RPS6KA2: variants seen among roughly 807,000 people sequenced by gnomAD.
The protein encoded by RPS6KA2 is ribosomal protein S6 kinase A2, also known as ribosomal protein S6 kinase alpha-2.
RPS6KA2 carries 42 observed loss-of-function variants against 91.8 expected under a neutral mutation model. That is an observed-to-expected ratio of 0.46 (90% CI 0.36 to 0.59). RPS6KA2 has a LOEUF of 0.59. Among genes scored for constraint, RPS6KA2 ranks in the 20% least tolerant of loss-of-function variants. RPS6KA2 has a pLI of 0.00. For synonymous variants in RPS6KA2, 414 were observed against 393.6 expected (o/e 1.05, Z -0.61); for missense variants, 798 against 978.5 (o/e 0.82, Z 2.46).
At chr6:166,834,580 A>G (rs1038967000) in intron 2 of RPS6KA2, among the ~76,000 whole-genome samples, 1 of 152,222 alleles carries the variant, frequency 6.6e-6, no homozygotes, top group African/African-American at 2.4e-5. Flanking sequence ...TACTTATATA[A>G]CAAACCTGCA....
chr6:166,747,591 C>G (rs1316464872), intron 2 of RPS6KA2, among the ~76,000 whole-genome samples: 2 of 152,226 alleles, frequency 1.3e-5, no homozygotes, highest in South Asian at 2.1e-4. Context: ...TTCCTTCCCC[C>G]TTTCCACCAC....
At chr6:166,449,726 G>T (rs1216336013) in intron 13 of RPS6KA2, among the ~76,000 whole-genome samples, 2 of 151,896 alleles carry the variant, frequency 1.3e-5, no homozygotes, top group Non-Finnish European at 2.9e-5. Flanking sequence ...TGCCAAGTAG[G>T]GTAGGAGCAA....
At position 166,664,300 on chromosome 6, in the gene RPS6KA2, C is replaced by A. The variant is rs907950677; in HGVS notation, c.124-125516G>T. On this transcript the variant is annotated intron_variant, in intron 2 of 21. Transcript: ENST00000503859. ...CCCTCCTTCTACTGAGCCCAGTGAG[C>A]TCACAGCTGGAACGCTGCTCCACGG... is the stretch of plus-strand genomic sequence containing the variant. 2.0e-5 allele frequency among the ~76,000 whole-genome samples: 3 copies of A among 152,352 alleles called. No individual in the cohort carries two copies. In the East Asian group the frequency reaches 5.8e-4, roughly 29 times the overall value.
chr6:166,786,127 A>AG (rs1410330657), intron 2 of RPS6KA2, among the ~76,000 whole-genome samples: 1 of 152,238 alleles, frequency 6.6e-6, no homozygotes, highest in Non-Finnish European at 1.5e-5. Context: ...ATCCACTTAC[A>AG]GTATGGAAAG....
chr6:166,766,489 G>A (rs1389717608), intron 2 of RPS6KA2, among the ~76,000 whole-genome samples: 2 of 152,166 alleles, frequency 1.3e-5, no homozygotes, highest in African/African-American at 2.4e-5. Context: ...GTGTATGTGT[G>A]TTTTCCTTTC....
In RPS6KA2 at chr6:166,493,600, C is replaced by T. The variant is rs77217338; in HGVS notation, c.748-2859G>A. Among the ~76,000 whole-genome samples, 7,887 of 151,920 alleles carry T rather than the reference C, an allele frequency of 0.052. 485 individuals are homozygous for T. The highest frequency in any genetic ancestry group is 0.15 in the African/African-American group (6,012 of 41,336). On this transcript the variant is annotated intron_variant, in intron 8 of 20. Transcript: ENST00000265678. This position sits in a 1 kb window ranked among gnomAD's most constrained non-coding sequence, Gnocchi z 4.7. ...GATTCTTTCCCAATCGGCACCGAGA[C>T]CAGGCTGCAGACAGGCACAGAGGGG...
At chr6:166,452,820 A>C (rs895621373) in intron 12 of RPS6KA2, among the ~76,000 whole-genome samples, 1 of 152,218 alleles carries the variant, frequency 6.6e-6, no homozygotes, top group African/African-American at 2.4e-5. Context: ...TAAAGACTTA[A>C]GTGATGAAAG....
At chr6:166,811,827 T>G (rs1348670613) in intron 2 of RPS6KA2, among the ~76,000 whole-genome samples, 6 of 152,190 alleles carry the variant, frequency 3.9e-5, no homozygotes, top group Non-Finnish European at 8.8e-5. Context: ...TATACATAAT[T>G]ACTAGAATAA....
intron 2 of RPS6KA2, among the ~76,000 whole-genome samples, chr6:166,829,589 C>CAAAAAA (rs57711560): frequency 1.2e-4 from 12 of 96,888 alleles, no homozygotes; most frequent in African/African-American, 5.2e-4. Flanking sequence ...GACTCTGTCT[C>CAAAAAA]AAAAAAAAAA....
intron 12 of RPS6KA2, among the ~76,000 whole-genome samples, chr6:166,452,522 T>C (rs1779951061): frequency 6.6e-6 from 1 of 152,192 alleles, no homozygotes. Flanking sequence ...AAAGCAATTT[T>C]AAGCAAAAGG....
Position 166,737,882 on chromosome 6 carries a change from C to A in RPS6KA2, c.123+120318G>T, listed in dbSNP as rs76414694. Among the ~76,000 whole-genome samples the A allele has an allele frequency of 0.027, 4,089 of 152,246 alleles. 167 individuals carry two copies. Among genetic ancestry groups the A allele is most frequent in the African/African-American group, 0.091 (3,797 of 41,520 alleles). On this transcript the variant is annotated intron_variant, in intron 2 of 21. Transcript: ENST00000503859. This position sits in a 1 kb window ranked among gnomAD's most constrained non-coding sequence, Gnocchi z 4.3. ...AAATAACTTTGATTATGAAACGAAGCTATTTCTCATTGTGAAAGAAATAAA... is the reference window on the plus strand; with the variant it reads ...AAATAACTTTGATTATGAAACGAAGATATTTCTCATTGTGAAAGAAATAAA...
intron 2 of RPS6KA2, among the ~76,000 whole-genome samples, chr6:166,786,301 C>G (rs1435848223): frequency 6.6e-6 from 1 of 152,058 alleles, no homozygotes; most frequent in East Asian, 1.9e-4. Flanking sequence ...ACCTTAATTC[C>G]AAATACAGAA....
At chr6:166,449,372 A>G (rs1334945122) in intron 13 of RPS6KA2, among the ~76,000 whole-genome samples, 1 of 142,838 alleles carries the variant, frequency 7.0e-6, no homozygotes, top group Non-Finnish European at 1.6e-5. Context: ...ACACACCTGT[A>G]TTTCTCCAAA....
chr6:166,807,125 T>C (rs959587405), intron 2 of RPS6KA2, among the ~76,000 whole-genome samples: 10 of 151,944 alleles, frequency 6.6e-5, no homozygotes, highest in African/African-American at 1.9e-4. Flanking sequence ...AATAGCAAAA[T>C]GACAGAAGTA....
intron 2 of RPS6KA2, among the ~76,000 whole-genome samples, chr6:166,793,638 A>G (rs1458395609): frequency 6.6e-6 from 1 of 152,076 alleles, no homozygotes; most frequent in African/African-American, 2.4e-5. Context: ...ACAGCATGGT[A>G]CTGGTACCAA....
intron 5 of RPS6KA2, among the ~76,000 whole-genome samples, chr6:166,504,817 G>A (rs1782140448): frequency 6.6e-6 from 1 of 152,152 alleles, no homozygotes; most frequent in African/African-American, 2.4e-5. Flanking sequence ...AGTGGATGGA[G>A]ACGAGGGCTT....
intron 2 of RPS6KA2, among the ~76,000 whole-genome samples, chr6:166,657,775 G>A (rs1392405600): frequency 1.3e-5 from 2 of 152,220 alleles, no homozygotes; most frequent in African/African-American, 2.4e-5. Context: ...AGAGCAGGGC[G>A]AGTTCTGCTT....
chr6:166,586,246 G>A (rs933834869), intron 1 of RPS6KA2: 137 of 1,595,370 alleles, frequency 8.6e-5, no homozygotes, highest in Non-Finnish European at 1.1e-4. Context: ...TGATTGGATC[G>A]ATTGTCACTT....
At chr6:166,462,693 T>C (rs1048028101) in intron 11 of RPS6KA2, among the ~76,000 whole-genome samples, 3 of 152,148 alleles carry the variant, frequency 2.0e-5, no homozygotes, top group Admixed American at 6.5e-5. Flanking sequence ...CGTAGCACTT[T>C]TGTACCACAC....
Sources: gnomAD v4.1 joint callset for allele counts (sites outside exome capture counted in the v4.1 genomes callset) on GRCh38, gnomAD v4.1.1 for gene constraint, Gnocchi (gnomAD v3.1) non-coding constraint, MANE v1.5 for transcripts, NCBI Gene and HGNC (gene_info 2026-07-23, HGNC 2026-07-21) for gene names.